Variants in SRSF3 observed in about 807,000 individuals in gnomAD.
SRSF3 encodes serine/arginine-rich splicing factor 3.
For missense variants in SRSF3, 58 were observed against 217.1 expected, an observed-to-expected ratio of 0.27 and a Z score of 4.61; for synonymous variants, 87 against 73.6, an observed-to-expected ratio of 1.18 and a Z score of -0.93.
rs1411810476 is a variant in SRSF3 at position 36,600,977 on chromosome 6, CCTTTTTTTTCTTTT to C, written c.342-160_342-147del. 64 of 465,362 alleles carry C rather than the reference CCTTTTTTTTCTTTT, an allele frequency of 1.4e-4. 1 individual carries two copies. The highest frequency in any genetic ancestry group is 9.2e-4 in the African/African-American group (38 of 41,118). 28.8% of individuals were successfully genotyped at this position (465,362 alleles called of 1,614,324 possible). A position where few individuals can be genotyped will look rare whatever the true frequency, so the allele number is the denominator to read the frequency against. On this transcript the variant is annotated intron_variant, in intron 3 of 5. Transcript: ENST00000373715. Reference sequence around the variant, plus strand: ...CTTTTTGTTTCTTAATCCTTCTGTGCCTTTTTTTTCTTTTCTTTTTTTTCTTTTTTTTTTTTTTT... The same window carrying C: ...CTTTTTGTTTCTTAATCCTTCTGTGCCTTTTTTTTCTTTTTTTTTTTTTTT...
In SRSF3 at chr6:36,602,073, A is replaced by G. The variant is rs1334482633; in HGVS notation, c.*84A>G. 3 of 1,550,946 alleles carry G rather than the reference A, an allele frequency of 1.9e-6. No individual in the cohort carries two copies. Among genetic ancestry groups the G allele is most frequent in the African/African-American group, 2.8e-5 (2 of 71,600 alleles). ...ACAGAAAATTCAAGTTTTGTTTGAG[A>G]CTTCATAAGCTTGGTGCATTTTTAA... is the stretch of plus-strand genomic sequence containing the variant. On this transcript the variant is annotated 3_prime_UTR_variant, in exon 6 of 6. Coordinates refer to ENST00000373715, the MANE Select transcript of SRSF3 (RefSeq NM_003017.5).
chr6:36,601,297 A>T (rs991608826), intron 4 of SRSF3, 107 bp downstream of exon 4: 2 of 1,062,604 alleles, frequency 1.9e-6, no homozygotes, highest in Admixed American at 4.5e-5. Flanking sequence ...TGGCTTTAAT[A>T]GTGAATCAAG....
chr6:36,596,575 G>A (rs1005491127), intron 1 of SRSF3, among the ~76,000 whole-genome samples, 186 bp from the exon 2 acceptor site: 1 of 12,866 alleles, frequency 7.8e-5, no homozygotes, highest in African/African-American at 1.8e-4. Context: ...GCGGGGTGGC[G>A]GGGGGGGGGA....
At chr6:36,601,009 T>TTTTTTTTTC (rs1778705795) in intron 3 of SRSF3, 143 bp from the exon 4 acceptor site, 1 of 291,680 alleles carries the variant, frequency 3.4e-6, no homozygotes, top group South Asian at 1.7e-4. Context: ...TTCTTTTTTT[T>TTTTTTTTTC]TTTTTTTTTT....
At chr6:36,597,730 C>T (rs930385425) in intron 2 of SRSF3, among the ~76,000 whole-genome samples, 35 of 151,534 alleles carry the variant, frequency 2.3e-4, no homozygotes, top group African/African-American at 7.7e-4. Context: ...CCCACCTCTT[C>T]CCAGTCACTC....
At position 36,597,143 on chromosome 6, in the gene SRSF3, TC is replaced by T. The variant is rs1778643977; in HGVS notation, c.206+176del. ...TGGTGGGGAGACGAGTCTTGCACTG[TC>T]ACTGGGCTGGAGTGCAGTGGTACAG... On this transcript the variant is annotated intron_variant, in intron 2 of 5. Transcript: ENST00000373715. 3.4e-5 allele frequency: 21 copies of T among 623,382 alleles called. No homozygotes were observed. The South Asian group carries it at 4.1e-4, about 12-fold the overall frequency. The allele number at this position is 623,382 out of a possible 1,614,324, so 38.6% of individuals were successfully genotyped here. A position where few individuals can be genotyped will look rare whatever the true frequency, so the allele number is the denominator to read the frequency against.
At chr6:36,599,457 AAAAG>A (rs1280972733) in intron 3 of SRSF3, 1 of 203,204 alleles carries the variant, frequency 4.9e-6, no homozygotes, top group Non-Finnish European at 1.0e-5. Flanking sequence ...AGGGGGCTAA[AAAAG>A]AAGTAATCCC....
chr6:36,596,988 G>T lies in SRSF3; in HGVS notation c.206+20G>T. On this transcript the variant is annotated intron_variant, in intron 2 of 5. Transcript: ENST00000373715. ...TGGAAGGTGATTTAATGATTACGCT[G>T]ATAAAAATGTGTTGCTTGTGTTTTT... The T allele has an allele frequency of 6.2e-7, 1 of 1,607,520 alleles. No homozygotes were observed. The highest frequency in any genetic ancestry group is 8.5e-7 in the Non-Finnish European group (1 of 1,174,738).
intron 2 of SRSF3, chr6:36,598,518 G>C (rs1778668584): frequency 4.6e-6 from 1 of 217,708 alleles, no homozygotes. Context: ...TGAGTAGCTG[G>C]GATTACAGGC....
intron 3 of SRSF3, 121 bp from the exon 4 acceptor site, chr6:36,601,031 G>A (rs572442265): frequency 2.7e-5 from 4 of 148,478 alleles, no homozygotes; most frequent in African/African-American, 5.7e-5. Flanking sequence ...TTTTTTGGAC[G>A]ATGGGTGCCA....
chr6:36,601,945 T>TTTC lies in SRSF3; in HGVS notation c.468-15_468-14insCTT. ...CAGATGTAATGTTTTGTTTTCTTTT[T>TTTC]TTTTTTTTTTTTTTAGTCGATCTAG... is the stretch of plus-strand genomic sequence containing the variant. On this transcript the variant is annotated splice_polypyrimidine_tract_variant and intron_variant, in intron 5 of 5. Coordinates refer to ENST00000373715, the MANE Select transcript of SRSF3 (RefSeq NM_003017.5). The TTTC allele has an allele frequency of 2.6e-6, 4 of 1,524,988 alleles. No individual in the cohort carries two copies. Among genetic ancestry groups the TTTC allele is most frequent in the Non-Finnish European group, 3.5e-6 (4 of 1,127,992 alleles). 94.5% of individuals were successfully genotyped at this position (1,524,988 alleles called of 1,614,324 possible).
At chr6:36,601,345 G>C in intron 4 of SRSF3, 155 bp downstream of exon 4, 1 of 725,598 alleles carries the variant, frequency 1.4e-6, no homozygotes, top group Non-Finnish European at 2.2e-6. Flanking sequence ...GTTTTCAAAG[G>C]CTTTTTAGAA....
In SRSF3 at chr6:36,602,946, C is replaced by A. The variant is rs903597718; in HGVS notation, c.*957C>A. 9.3e-6 allele frequency: 2 copies of A among 215,336 alleles called. No homozygotes were observed. Among genetic ancestry groups the A allele is most frequent in the Non-Finnish European group, 1.9e-5 (2 of 106,872 alleles). 13.3% of individuals were successfully genotyped at this position (215,336 alleles called of 1,614,324 possible). A position where few individuals can be genotyped will look rare whatever the true frequency, so the allele number is the denominator to read the frequency against. On this transcript the variant is annotated 3_prime_UTR_variant, in exon 6 of 6. Coordinates refer to ENST00000373715, the MANE Select transcript of SRSF3 (RefSeq NM_003017.5). The stretch of plus-strand genomic sequence containing the variant: ...GTATAGTCAGTTGAACCCACTGTTA[C>A]CATTGTTCTTATCCCATGGGAAGCA...
rs1002574780 is a variant in SRSF3, at chr6:36,598,972, A to G, written c.330A>G (p.Pro110=). The part of the protein sequence containing the change: ...PRDDYRRRSP[P]PRRRSPRRRS... The stretch of plus-strand genomic sequence containing the variant: ...ATGATTATCGTAGGAGGAGTCCTCC[A>G]CCTCGTCGCAGGTACTTGAGAGAAA... Residue 110 remains proline, a synonymous_variant, in exon 3 of 6, where the codon CCA becomes CCG. Coordinates refer to ENST00000373715, the MANE Select transcript of SRSF3 (RefSeq NM_003017.5). 6.2e-7 allele frequency: 1 copy of G among 1,614,130 alleles called. No individual in the cohort carries two copies. The highest frequency in any genetic ancestry group is 8.5e-7 in the Non-Finnish European group (1 of 1,180,008).
At position 36,596,771 on chromosome 6, in the gene SRSF3, T is replaced by C; in HGVS notation, c.9T>C (p.Arg3=). ...TATTTTTCATTACAGAAATGCATCGTGATTCCTGTCCATTGGACTGTAAGG... is the reference window on the plus strand; with the variant it reads ...TATTTTTCATTACAGAAATGCATCGCGATTCCTGTCCATTGGACTGTAAGG... The part of the protein sequence containing the change: MH[R]DSCPLDCKVY... Residue 3 remains arginine (R), a synonymous_variant, in exon 2 of 6, where the codon CGT becomes CGC. Coordinates refer to ENST00000373715, the MANE Select transcript of SRSF3 (RefSeq NM_003017.5). 6.2e-7 allele frequency: 1 copy of C among 1,613,858 alleles called. No homozygotes were observed. Among genetic ancestry groups the C allele is most frequent in the Non-Finnish European group, 8.5e-7 (1 of 1,179,782 alleles).
chr6:36,597,113 T>TG, intron 2 of SRSF3, 145 bp downstream of exon 2: 1 of 735,978 alleles, frequency 1.4e-6, no homozygotes. Flanking sequence ...TTTTTTTTTT[T>TG]TTTTTGGTGG....
intron 3 of SRSF3, chr6:36,600,838 T>TGG (rs1482336949): frequency 8.7e-6 from 2 of 230,886 alleles, no homozygotes; most frequent in African/African-American, 2.3e-5. Context: ...TATTTTGGTG[T>TGG]GGTGTTTGGG....
At position 36,601,509 on chromosome 6, in the gene SRSF3, G is replaced by C. The variant is rs1778715617; in HGVS notation, c.381-199G>C. 12 of 587,330 alleles carry C rather than the reference G, an allele frequency of 2.0e-5. 1 individual carries two copies. In the South Asian group the frequency reaches 2.6e-4, roughly 13 times the overall value. The allele number at this position is 587,330 out of a possible 1,614,324, so 36.4% of individuals were successfully genotyped here. A position where few individuals can be genotyped will look rare whatever the true frequency, so the allele number is the denominator to read the frequency against. On this transcript the variant is annotated intron_variant, in intron 4 of 5. Transcript: ENST00000373715. ...ACTACAGGCAAGTACTGCCATACCTGGCTAATTTATTTTTTGTGGAGATGG... is the reference window on the plus strand; with the variant it reads ...ACTACAGGCAAGTACTGCCATACCTCGCTAATTTATTTTTTGTGGAGATGG...
chr6:36,603,513 G>C lies in SRSF3; in HGVS notation c.*1524G>C, dbSNP rs897758438. ...TGACTGTCTTAAATATGAAAGATAA[G>C]TCATTGCATTAAGAGTTCAAGCTAA... On this transcript the variant is annotated 3_prime_UTR_variant, in exon 6 of 6. Coordinates refer to ENST00000373715, the MANE Select transcript of SRSF3 (RefSeq NM_003017.5). 4.4e-6 allele frequency: 1 copy of C among 225,740 alleles called. No individual in the cohort carries two copies. Among genetic ancestry groups the C allele is most frequent in the African/African-American group, 2.2e-5 (1 of 44,956 alleles). The allele number at this position is 225,740 out of a possible 1,614,324, so 14.0% of individuals were successfully genotyped here.
Sources: allele counts gnomAD v4.1 joint callset (sites outside exome capture counted in the v4.1 genomes callset), GRCh38; gene constraint gnomAD v4.1.1; transcripts MANE v1.5; gene names NCBI Gene and HGNC (gene_info 2026-07-23, HGNC 2026-07-21).